The following SYNPR variants were observed in gnomAD, a reference collection of about 807,000 sequenced individuals.
SYNPR encodes the protein synaptoporin.
Under a neutral mutation model 32.9 loss-of-function variants are expected in SYNPR, and 23 were observed. That is an observed-to-expected ratio of 0.70 (90% confidence interval 0.50 to 0.99). The LOEUF (loss-of-function observed/expected upper bound fraction) is 0.99. Ranked by LOEUF, SYNPR falls within the 50% of genes least tolerant of loss-of-function variation. SYNPR has a pLI of 0.00. For synonymous variants in SYNPR, 146 were observed against 135.9 expected (o/e 1.07, Z -0.52); for missense variants, 318 against 349.3 (o/e 0.91, Z 0.71).
intron 3 of SYNPR, among the ~76,000 whole-genome samples, chr3:63,510,186 C>T (rs1701670409): frequency 2.6e-5 from 4 of 152,082 alleles, no homozygotes; most frequent in Admixed American, 2.6e-4. Flanking sequence ...AGCTGGGAGC[C>T]TTCCAACTAG....
chr3:63,443,516 G>C, intron 2 of SYNPR: 2 of 1,589,254 alleles, frequency 1.3e-6, no homozygotes, highest in Non-Finnish European at 1.7e-6. Flanking sequence ...GGGGATATGT[G>C]TGTGCATGTA....
At chr3:63,312,031 G>T (rs528925030) in intron 2 of SYNPR, among the ~76,000 whole-genome samples, 1 of 151,976 alleles carries the variant, frequency 6.6e-6, no homozygotes, top group African/African-American at 2.4e-5. Context: ...TTAGAACCTA[G>T]AAATCTGTGA....
intron 1 of SYNPR, among the ~76,000 whole-genome samples, chr3:63,249,009 G>T (rs2086311533): frequency 6.6e-6 from 1 of 152,074 alleles, no homozygotes; most frequent in Admixed American, 6.6e-5. Context: ...AAATGAAGGA[G>T]AAACTGGGAA....
intron 3 of SYNPR, among the ~76,000 whole-genome samples, chr3:63,499,833 G>A (rs1396427953): frequency 1.3e-5 from 2 of 151,348 alleles, no homozygotes; most frequent in Non-Finnish European, 2.9e-5. Context: ...GGCACACTGA[G>A]GACCACCAAG....
chr3:63,532,309 C>T (rs1270082681), intron 3 of SYNPR, among the ~76,000 whole-genome samples: 1 of 152,164 alleles, frequency 6.6e-6, no homozygotes, highest in Non-Finnish European at 1.5e-5. Context: ...ACAGTTCTTC[C>T]TAATGTCTTA....
chr3:63,291,730 T>C (rs548682979), intron 2 of SYNPR, among the ~76,000 whole-genome samples: 1 of 152,182 alleles, frequency 6.6e-6, no homozygotes, highest in Non-Finnish European at 1.5e-5. Context: ...GTTTGTGAAA[T>C]TGATAGTGGC....
chr3:63,317,893 C>G (rs2087060072), intron 2 of SYNPR, among the ~76,000 whole-genome samples: 1 of 151,858 alleles, frequency 6.6e-6, no homozygotes, highest in Non-Finnish European at 1.5e-5. Context: ...TGATTTGTTT[C>G]CAGGATTTTT....
chr3:63,473,008 A>T (rs1214078662), intron 2 of SYNPR, among the ~76,000 whole-genome samples: 1 of 152,070 alleles, frequency 6.6e-6, no homozygotes, highest in Non-Finnish European at 1.5e-5. Flanking sequence ...GGTAGCCCAT[A>T]CCTGACATAT....
At chr3:63,343,199 C>T (rs961259090) in intron 2 of SYNPR, among the ~76,000 whole-genome samples, 1 of 152,110 alleles carries the variant, frequency 6.6e-6, no homozygotes, top group Non-Finnish European at 1.5e-5. Flanking sequence ...ACAGAGACCA[C>T]GGGATGCAGT....
intron 2 of SYNPR, among the ~76,000 whole-genome samples, chr3:63,311,299 A>T (rs1458138011): frequency 6.6e-6 from 1 of 152,030 alleles, no homozygotes; most frequent in African/African-American, 2.4e-5. Flanking sequence ...TGGTAAGGGA[A>T]TAACCAGATC....
the SYNPR span, among the ~76,000 whole-genome samples, chr3:63,219,125 G>A: frequency 2.0e-5 from 3 of 152,208 alleles, no homozygotes; most frequent in Non-Finnish European, 4.4e-5. Flanking sequence ...AGAGACTAAT[G>A]AGGGAGAGGA....
At chr3:63,258,835 T>C (rs1035067589) in intron 2 of SYNPR, among the ~76,000 whole-genome samples, 2 of 151,492 alleles carry the variant, frequency 1.3e-5, no homozygotes, top group African/African-American at 4.9e-5. Flanking sequence ...GCAAGACTAA[T>C]AAAGAAGAAA....
chr3:63,448,887 G>A (rs1700328579), intron 2 of SYNPR, among the ~76,000 whole-genome samples: 1 of 152,184 alleles, frequency 6.6e-6, no homozygotes, highest in Non-Finnish European at 1.5e-5. Context: ...GCATTTGCAG[G>A]AAATGTGTGC....
At chr3:63,548,068 T>C (rs549626806) in intron 3 of SYNPR, among the ~76,000 whole-genome samples, 1 of 152,190 alleles carries the variant, frequency 6.6e-6, no homozygotes, top group Non-Finnish European at 1.5e-5. Context: ...GAAGGATTTG[T>C]CTTTTTCAAC....
chr3:63,512,718 G>A (rs1241372507), intron 3 of SYNPR, among the ~76,000 whole-genome samples: 1 of 152,150 alleles, frequency 6.6e-6, no homozygotes, highest in African/African-American at 2.4e-5. Context: ...CAAGAAAATG[G>A]ATTCTCGTCA....
intron 2 of SYNPR, among the ~76,000 whole-genome samples, chr3:63,411,394 C>T (rs1436784286): frequency 6.6e-6 from 1 of 152,064 alleles, no homozygotes; most frequent in Non-Finnish European, 1.5e-5. Flanking sequence ...CCACGCTAGG[C>T]AGTGGTGGAT....
chr3:63,349,513 G>T (rs1397360150), intron 2 of SYNPR, among the ~76,000 whole-genome samples: 1 of 152,002 alleles, frequency 6.6e-6, no homozygotes, highest in Non-Finnish European at 1.5e-5. Flanking sequence ...TCTTTGTAGG[G>T]ATCTTTCACC....
the SYNPR span, among the ~76,000 whole-genome samples, chr3:63,200,836 C>G: frequency 0.8 from 121,888 of 151,742 alleles, 49,469 homozygotes; most frequent in Middle Eastern, 0.87. Flanking sequence ...AGATTTATCT[C>G]TTTTCTGAGA....
At chr3:63,611,046 A>AAACC (rs1700189894) in intron 5 of SYNPR, among the ~76,000 whole-genome samples, 1 of 152,220 alleles carries the variant, frequency 6.6e-6, no homozygotes. Context: ...TGGCTAAGGC[A>AAACC]AACCAATCCT....
Sources: allele counts gnomAD v4.1 joint callset (sites outside exome capture counted in the v4.1 genomes callset), GRCh38; gene constraint gnomAD v4.1.1; transcripts MANE v1.5; gene names NCBI Gene and HGNC (gene_info 2026-07-23, HGNC 2026-07-21).